Variants in DOCK10 observed in about 807,000 individuals in gnomAD.
The protein encoded by DOCK10 is dedicator of cytokinesis 10.
In DOCK10, 145 loss-of-function variants were observed where a neutral mutation model predicts 280.1. That is an observed-to-expected ratio of 0.52 (90% CI 0.45 to 0.59). DOCK10 has a LOEUF of 0.59. Among genes scored for constraint, DOCK10 ranks in the 20% least tolerant of loss-of-function variants. The probability of loss-of-function intolerance (pLI) is 0.00; values close to 1 mark genes in which losing one functional copy is unlikely to be tolerated. For synonymous variants in DOCK10, 915 were observed against 942.2 expected (o/e 0.97, Z 0.53); for missense variants, 2,368 against 2,651.7 (o/e 0.89, Z 2.35).
At chr2:224,977,627 G>C (rs1479216760) in intron 1 of DOCK10, among the ~76,000 whole-genome samples, 1 of 152,092 alleles carries the variant, frequency 6.6e-6, no homozygotes, top group Non-Finnish European at 1.5e-5. Context: ...AAGTTTTTTT[G>C]AGTGAGAGAT....
In DOCK10 at chr2:224,841,830, T is replaced by C. The variant is rs762364997; in HGVS notation, c.2635A>G (p.Thr879Ala). Residue 879 changes from threonine (T) to alanine (A), a missense_variant, in exon 23 of 56, where the codon ACC becomes GCC. By Grantham distance (58) the Thr-to-Ala change is moderately conservative. Transcript: ENST00000258390. ...TTACAAGAGCGGATGAAATTTGAGG[T>C]AGGTGACTGAGACATATCTTTCTCT... ...KREKDMSQSP[T>A]SNFIRSCKNL... is the part of the protein sequence containing the mutation. 6.2e-7 allele frequency: 1 copy of C among 1,613,018 alleles called. No individual in the cohort carries two copies. Among genetic ancestry groups the C allele is most frequent in the East Asian group, 2.2e-5 (1 of 44,860 alleles).
chr2:224,883,727 G>A (rs1315142742), intron 7 of DOCK10, among the ~76,000 whole-genome samples: 1 of 152,134 alleles, frequency 6.6e-6, no homozygotes. Flanking sequence ...CAATGTTTAA[G>A]CAGAGACTGA....
At chr2:224,874,845 A>T (rs1698522649) in intron 8 of DOCK10, 94 bp from the exon 9 acceptor site, 2 of 1,098,382 alleles carry the variant, frequency 1.8e-6, no homozygotes, top group Non-Finnish European at 2.8e-6. Context: ...TAGGCTTAAG[A>T]GCTAAGAGGG....
At chr2:224,972,704 C>A (rs530951479) in intron 1 of DOCK10, among the ~76,000 whole-genome samples, 2 of 152,240 alleles carry the variant, frequency 1.3e-5, no homozygotes, top group Admixed American at 1.3e-4. Context: ...GGTTTTAAAT[C>A]CTAAACATTC....
intron 11 of DOCK10, among the ~76,000 whole-genome samples, chr2:224,865,834 TTCTCTC>T (rs749148296): frequency 1.4e-5 from 2 of 143,620 alleles, no homozygotes. Context: ...AACCTCCTGT[TTCTCTC>T]TCTCTCTCTC....
chr2:224,875,277 C>T (rs1215291715), intron 8 of DOCK10, among the ~76,000 whole-genome samples: 1 of 152,160 alleles, frequency 6.6e-6, no homozygotes, highest in Admixed American at 6.5e-5. Context: ...CCATATTACT[C>T]CATGGCTCTT....
chr2:224,982,815 C>T (rs1315771202), intron 1 of DOCK10, among the ~76,000 whole-genome samples: 1 of 150,540 alleles, frequency 6.6e-6, no homozygotes, highest in African/African-American at 2.5e-5. Context: ...TTTTTATAAA[C>T]GTAAACACTT....
intron 50 of DOCK10, among the ~76,000 whole-genome samples, chr2:224,782,997 C>A (rs183193195): frequency 1.3e-5 from 2 of 152,266 alleles, no homozygotes; most frequent in Admixed American, 1.3e-4. Flanking sequence ...CTCAAGTCTA[C>A]TTGGTATTTA....
intron 13 of DOCK10, among the ~76,000 whole-genome samples, chr2:224,863,260 T>C (rs1435538003): frequency 6.6e-6 from 1 of 152,184 alleles, no homozygotes; most frequent in Non-Finnish European, 1.5e-5. Flanking sequence ...AATAAAACTT[T>C]ATTTATCAAA....
chr2:224,957,726 G>C (rs972357832), intron 1 of DOCK10, among the ~76,000 whole-genome samples: 1 of 152,112 alleles, frequency 6.6e-6, no homozygotes, highest in African/African-American at 2.4e-5. Context: ...TCAAATCAGT[G>C]CCCTCTTTCA....
In DOCK10 at chr2:224,805,280, A is replaced by T; in HGVS notation, c.3977T>A (p.Phe1326Tyr). The T allele has an allele frequency of 6.2e-7, 1 of 1,613,172 alleles. No homozygotes were observed. Among genetic ancestry groups the T allele is most frequent in the Non-Finnish European group, 8.5e-7 (1 of 1,179,380 alleles). ...GGTTTCTGCTTGATCTAACTTGTCA[A>T]ATCGAAGAGTTGAGCCAATCAAAGA... ...PLSLIGSTLR[F>Y]DKLDQAETRS... is the part of the protein sequence containing the mutation. The change falls in exon 36 of 56, where the codon TTT becomes TAT. Residue 1326 changes from phenylalanine (F) to tyrosine (Y), a missense_variant. Transcript: ENST00000258390. The surrounding 1 kb of genome is among the most constrained non-coding windows in gnomAD (Gnocchi z 4.3).
At chr2:225,034,791 G>C (rs1690177074) in intron 1 of DOCK10, among the ~76,000 whole-genome samples, 2 of 152,194 alleles carry the variant, frequency 1.3e-5, no homozygotes, top group Admixed American at 1.3e-4. Context: ...ATAGTAGTAA[G>C]AGCTATGAAG....
At chr2:224,921,108 AAAAAATATAT>A (rs1701691824) in intron 2 of DOCK10, among the ~76,000 whole-genome samples, 1 of 71,096 alleles carries the variant, frequency 1.4e-5, no homozygotes, top group African/African-American at 1.0e-4. Context: ...AAAAAAAAAA[AAAAAATATAT>A]ATATATATAT....
chr2:224,972,121 A>G (rs1463086515), intron 1 of DOCK10, among the ~76,000 whole-genome samples: 1 of 152,160 alleles, frequency 6.6e-6, no homozygotes, highest in African/African-American at 2.4e-5. Context: ...CTTCAGAGGG[A>G]CTGTGGCAAC....
rs757350870 is a variant in DOCK10, at chr2:224,807,714, A to G, written c.3656T>C (p.Ile1219Thr). 1.9e-6 allele frequency: 3 copies of G among 1,573,080 alleles called. No homozygotes were observed. Among genetic ancestry groups the G allele is most frequent in the East Asian group, 2.3e-5 (1 of 43,146 alleles). Reference protein sequence around the residue: ...YGMLLDNMPRIYLKDLYPFTV... With the variant: ...YGMLLDNMPRTYLKDLYPFTV... ...AAAAGGATACAGGTCCTTCAGATAA[A>G]TCCTTGGCATATTGTCCAGGAGCAT... is the stretch of plus-strand genomic sequence containing the variant. The change falls in exon 33 of 56, where the codon ATT (isoleucine) becomes ACT (threonine). Residue 1219 changes from isoleucine (I) to threonine (T), a missense_variant. Coordinates refer to ENST00000258390, the MANE Select transcript of DOCK10 (RefSeq NM_014689.3).
At chr2:224,983,508 G>GAA (rs35123622) in intron 1 of DOCK10, 611 of 198,536 alleles carry the variant, frequency 3.1e-3, no homozygotes, top group South Asian at 5.9e-3. Flanking sequence ...GAGATTCAAA[G>GAA]AAAAAAAAAT....
At chr2:224,846,500 CT>C (rs796471168) in intron 19 of DOCK10, among the ~76,000 whole-genome samples, 21,029 of 128,804 alleles carry the variant, frequency 0.16, 1,907 homozygotes, top group African/African-American at 0.36. Context: ...TGACCTCTGG[CT>C]TTTTTTTTTT....
intron 1 of DOCK10, among the ~76,000 whole-genome samples, chr2:224,960,337 A>G (rs958132703): frequency 3.9e-5 from 6 of 152,128 alleles, no homozygotes; most frequent in Admixed American, 3.3e-4. Context: ...TTGTAACCAT[A>G]TAACTATTTG....
intron 1 of DOCK10, among the ~76,000 whole-genome samples, chr2:225,018,054 C>T (rs1689665338): frequency 6.6e-6 from 1 of 152,128 alleles, no homozygotes; most frequent in East Asian, 1.9e-4. Context: ...ACAACTCCTG[C>T]TTGACTGAAT....
Sources: allele counts gnomAD v4.1 joint callset (sites outside exome capture counted in the v4.1 genomes callset), GRCh38; gene constraint gnomAD v4.1.1; non-coding constraint Gnocchi (gnomAD v3.1); transcripts MANE v1.5; gene names NCBI Gene and HGNC (gene_info 2026-07-23, HGNC 2026-07-21).